Variants in AGPAT5 observed in about 807,000 individuals in gnomAD.
AGPAT5 encodes the protein 1-acylglycerol-3-phosphate O-acyltransferase 5.
In AGPAT5, 46 loss-of-function variants were observed where a neutral mutation model predicts 45.6. The ratio of observed to expected loss-of-function variants is 1.01; its 90% CI spans 0.80 to 1.29. AGPAT5 has a LOEUF of 1.29. Ranked by LOEUF, AGPAT5 falls within the 50% of genes most tolerant of loss-of-function variation. AGPAT5 has a pLI of 0.00. For missense variants in AGPAT5, 673 were observed against 450.7 expected, an observed-to-expected ratio of 1.49 and a Z score of -4.47; for synonymous variants, 272 against 167.0, an observed-to-expected ratio of 1.63 and a Z score of -4.85.
intron 1 of AGPAT5, among the ~76,000 whole-genome samples, chr8:6,721,515 C>G (rs1016991706): frequency 6.6e-6 from 1 of 152,194 alleles, no homozygotes; most frequent in African/African-American, 2.4e-5. Flanking sequence ...CATAGTTTCA[C>G]TGATTTCACT....
chr8:6,754,934 G>C (rs1801780811), intron 6 of AGPAT5, 117 bp from the exon 7 acceptor site: 2 of 793,912 alleles, frequency 2.5e-6, no homozygotes, highest in Non-Finnish European at 3.7e-6. Context: ...TAAGGAATCT[G>C]TACTTTTTCT....
chr8:6,718,447 C>T lies in AGPAT5; in HGVS notation c.220-6423C>T, dbSNP rs537955592. Among the ~76,000 whole-genome samples the T allele has an allele frequency of 2.6e-5, 4 of 152,324 alleles. No homozygotes were observed. The South Asian group carries it at 6.2e-4, about 24-fold the overall frequency. On this transcript the variant is annotated intron_variant, in intron 1 of 7. Transcript: ENST00000285518. ...GGCAGAACCCACAGTCTACAACGTA[C>T]GAGCACCAGAGTTGACGTGAGACAG... is the stretch of plus-strand genomic sequence containing the variant.
At chr8:6,709,002 C>T (rs1486318616) in intron 1 of AGPAT5, 115 bp downstream of exon 1, 1 of 992,102 alleles carries the variant, frequency 1.0e-6, no homozygotes, top group East Asian at 2.6e-5. Flanking sequence ...GGACCCAGCA[C>T]GGAGAGCACG....
chr8:6,741,923 A>G (rs1434653998), intron 5 of AGPAT5, among the ~76,000 whole-genome samples, 172 bp downstream of exon 5: 6 of 152,146 alleles, frequency 3.9e-5, no homozygotes, highest in Non-Finnish European at 8.8e-5. Context: ...TCCTTAATTC[A>G]CTTTCATGCT....
intron 4 of AGPAT5, among the ~76,000 whole-genome samples, chr8:6,736,928 T>G (rs1448440542): frequency 1.3e-5 from 2 of 152,246 alleles, no homozygotes; most frequent in African/African-American, 2.4e-5. Flanking sequence ...TAAATCAAAG[T>G]TCTGTTTTAT....
At chr8:6,742,175 C>T (rs1258041934) in intron 5 of AGPAT5, among the ~76,000 whole-genome samples, 1 of 152,136 alleles carries the variant, frequency 6.6e-6, no homozygotes, top group Non-Finnish European at 1.5e-5. Flanking sequence ...TGTTGCTGAG[C>T]TTGCTTCTTC....
intron 1 of AGPAT5, among the ~76,000 whole-genome samples, chr8:6,716,764 C>T (rs1487657232): frequency 6.6e-6 from 1 of 152,136 alleles, no homozygotes; most frequent in East Asian, 1.9e-4. Flanking sequence ...GCCCAGGAGA[C>T]AGAGGTTGTG....
intron 6 of AGPAT5, among the ~76,000 whole-genome samples, chr8:6,754,331 A>G (rs765137846): frequency 2.6e-4 from 39 of 152,178 alleles, no homozygotes; most frequent in Admixed American, 3.9e-4. Context: ...CCACAGTAAT[A>G]ATTTTGGTTC....
At position 6,714,140 on chromosome 8, in the gene AGPAT5, C is replaced by CCCAGCGTCTCTTGTTA. The variant is rs1439136724; in HGVS notation, c.219+5254_219+5255insCAGCGTCTCTTGTTAC. On this transcript the variant is annotated intron_variant, in intron 1 of 7. Transcript: ENST00000285518. ...ATGTTGCCCAGCGTCGTCTCTGATA[C>CCCAGCGTCTCTTGTTA]CTATAGTCCTAACAAGAATATGAAT... 2.6e-5 allele frequency among the ~76,000 whole-genome samples: 4 copies of CCCAGCGTCTCTTGTTA among 152,274 alleles called. No homozygotes were observed. The South Asian group carries it at 8.3e-4, about 32-fold the overall frequency.
At chr8:6,714,568 A>C (rs116965093) in intron 1 of AGPAT5, among the ~76,000 whole-genome samples, 2,715 of 152,336 alleles carry the variant, frequency 0.018, 42 homozygotes, top group South Asian at 0.041. Context: ...TCACAGATGC[A>C]ATTATACATT....
In AGPAT5 at chr8:6,754,114, C is replaced by A. The variant is rs190324168; in HGVS notation, c.746-937C>A. On this transcript the variant is annotated intron_variant, in intron 6 of 7. Coordinates refer to ENST00000285518, the MANE Select transcript of AGPAT5 (RefSeq NM_018361.5). ...CAGCTCTTAAATCTTAGGAATATTT[C>A]TTTGTTCTTCAAGGAACTTAAATAT... 9.2e-5 allele frequency among the ~76,000 whole-genome samples: 14 copies of A among 152,302 alleles called. No homozygotes were observed. In the East Asian group the frequency reaches 2.5e-3, roughly 27 times the overall value.
intron 1 of AGPAT5, chr8:6,709,261 C>G (rs1800054239): frequency 3.7e-6 from 1 of 268,812 alleles, no homozygotes; most frequent in Non-Finnish European, 7.3e-6. Context: ...TCGGAGACGT[C>G]TACACTCCGA....
chr8:6,712,669 A>C (rs939659776), intron 1 of AGPAT5, among the ~76,000 whole-genome samples: 2 of 152,222 alleles, frequency 1.3e-5, no homozygotes, highest in Non-Finnish European at 2.9e-5. Context: ...GAATGAAGTT[A>C]CCTTAAATTC....
At chr8:6,714,003 G>A (rs958472822) in intron 1 of AGPAT5, among the ~76,000 whole-genome samples, 1 of 152,188 alleles carries the variant, frequency 6.6e-6, no homozygotes, top group South Asian at 2.1e-4. Flanking sequence ...TGTAAAAGCA[G>A]CCATTCATTA....
rs1802031422 is a variant in AGPAT5 at position 6,761,185 on chromosome 8, G to A, written c.*3797G>A. Among the ~76,000 whole-genome samples the A allele has an allele frequency of 6.6e-6, 1 of 152,162 alleles. No individual in the cohort carries two copies. Among genetic ancestry groups the A allele is most frequent in the African/African-American group, 2.4e-5 (1 of 41,442 alleles). ...AAAGCTGAAGTACTTCTAATATACT[G>A]AGGGAAGTATAATATGTGGAACAAA... On this transcript the variant is annotated 3_prime_UTR_variant, in exon 8 of 8. Coordinates refer to ENST00000285518, the MANE Select transcript of AGPAT5 (RefSeq NM_018361.5).
intron 1 of AGPAT5, among the ~76,000 whole-genome samples, chr8:6,722,845 G>A (rs1563286667): frequency 6.6e-6 from 1 of 151,884 alleles, no homozygotes; most frequent in Admixed American, 6.5e-5. Context: ...TTTTTCTGTA[G>A]GGGATGTCTG....
At chr8:6,743,045 T>C (rs1369695137) in intron 5 of AGPAT5, among the ~76,000 whole-genome samples, 1 of 152,252 alleles carries the variant, frequency 6.6e-6, no homozygotes, top group Non-Finnish European at 1.5e-5. Flanking sequence ...TTTCCAGTAC[T>C]CACTCTGCCC....
At chr8:6,727,316 G>T (rs190646480) in intron 2 of AGPAT5, among the ~76,000 whole-genome samples, 1 of 151,716 alleles carries the variant, frequency 6.6e-6, no homozygotes, top group African/African-American at 2.4e-5. Flanking sequence ...TTTCTCTCTC[G>T]AGTCAGCAGG....
intron 1 of AGPAT5, among the ~76,000 whole-genome samples, chr8:6,715,587 C>G (rs1052830705): frequency 3.9e-5 from 6 of 152,190 alleles, no homozygotes; most frequent in African/African-American, 1.4e-4. Context: ...CCATGGTTCA[C>G]ATCTGTAGTA....
Sources: allele counts gnomAD v4.1 joint callset (sites outside exome capture counted in the v4.1 genomes callset), GRCh38; gene constraint gnomAD v4.1.1; transcripts MANE v1.5; gene names NCBI Gene and HGNC (gene_info 2026-07-23, HGNC 2026-07-21).